The following TOP1MT variants were observed in gnomAD, a reference collection of about 807,000 sequenced individuals.
TOP1MT encodes DNA topoisomerase I mitochondrial, also known as DNA topoisomerase I, mitochondrial.
TOP1MT carries 80 observed loss-of-function variants against 73.9 expected under a neutral mutation model. The ratio of observed to expected loss-of-function variants is 1.08; its 90% CI spans 0.90 to 1.30. TOP1MT has a LOEUF of 1.30. Ranked by LOEUF, TOP1MT falls within the 50% of genes most tolerant of loss-of-function variation. The probability of loss-of-function intolerance (pLI) is 0.00; values close to 1 mark genes in which losing one functional copy is unlikely to be tolerated. For missense variants in TOP1MT, 815 were observed against 808.0 expected (o/e 1.01, Z -0.10); for synonymous variants, 338 against 326.4 (o/e 1.04, Z -0.38).
At chr8:143,330,333 T>TGTGGGGCAGGC (rs1816819533) in intron 2 of TOP1MT, among the ~76,000 whole-genome samples, 1 of 152,168 alleles carries the variant, frequency 6.6e-6, no homozygotes, top group South Asian at 2.1e-4. Flanking sequence ...GCAGGGCTGC[T>TGTGGGGCAGGC]GTGGGGCAGG....
upstream of TOP1MT, among the ~76,000 whole-genome samples, chr8:143,345,356 GA>G (rs33967170): frequency 0.87 from 131,940 of 152,272 alleles, 57,221 homozygotes; most frequent in South Asian, 0.92. Flanking sequence ...CCTGGTGGCT[GA>G]AAAGGTCTGA....
chr8:143,345,325 G>A (rs1476123654), upstream of TOP1MT, among the ~76,000 whole-genome samples: 1 of 147,486 alleles, frequency 6.8e-6, no homozygotes, highest in Non-Finnish European at 1.5e-5. Flanking sequence ...AGCCCTGCAG[G>A]AGGCAGGTCC....
At chr8:143,338,266 T>TA (rs1221540565), upstream of TOP1MT, among the ~76,000 whole-genome samples, 16 of 151,702 alleles carry the variant, frequency 1.1e-4, no homozygotes, top group East Asian at 1.4e-3. Flanking sequence ...CTCCATCTCT[T>TA]AAAAAAAAAT....
At chr8:143,325,268 C>G in intron 5 of TOP1MT, 78 bp downstream of exon 5, 1 of 1,314,716 alleles carries the variant, frequency 7.6e-7, no homozygotes, top group African/African-American at 1.5e-5. Context: ...GCCTCCCTCT[C>G]CCAGGAGGTG....
upstream of TOP1MT, chr8:143,334,938 C>T: frequency 1.6e-6 from 2 of 1,237,634 alleles, no homozygotes; most frequent in Non-Finnish European, 2.0e-6. Flanking sequence ...AGCGGCCAGC[C>T]CCGCCCCCGA....
chr8:143,348,029 C>T (rs531001755), upstream of TOP1MT, among the ~76,000 whole-genome samples: 1 of 152,282 alleles, frequency 6.6e-6, no homozygotes, highest in Non-Finnish European at 1.5e-5. The surrounding 1 kb of genome is among the most constrained non-coding windows in gnomAD (Gnocchi z 4.6). Context: ...CCACAGCAGC[C>T]TTGCAAGCCA....
intron 10 of TOP1MT, among the ~76,000 whole-genome samples, chr8:143,316,906 T>C (rs976959138): frequency 6.6e-6 from 1 of 152,160 alleles, no homozygotes; most frequent in Non-Finnish European, 1.5e-5. Context: ...CCTCCCTCAG[T>C]GGAGGGGGCG....
intron 1 of TOP1MT, among the ~76,000 whole-genome samples, chr8:143,353,770 C>T (rs1817358502): frequency 6.6e-6 from 1 of 151,806 alleles, no homozygotes; most frequent in East Asian, 1.9e-4. Context: ...TTGAGACCAG[C>T]CTGGCCAACA....
chr8:143,328,106 C>T (rs766157730), intron 3 of TOP1MT: 28 of 394,762 alleles, frequency 7.1e-5, no homozygotes, highest in Middle Eastern at 3.6e-4. Context: ...GTTAAGAGAA[C>T]GCAAATAGAA....
upstream of TOP1MT, among the ~76,000 whole-genome samples, chr8:143,339,626 C>T (rs1335308643): frequency 6.6e-6 from 1 of 152,232 alleles, no homozygotes; most frequent in African/African-American, 2.4e-5. Context: ...CTGGGGGGCA[C>T]CCAGGCTCCC....
chr8:143,326,767 C>T lies in TOP1MT; in HGVS notation c.361-423G>A, dbSNP rs943669090. Among the ~76,000 whole-genome samples, 5 of 152,312 alleles carry T rather than the reference C, an allele frequency of 3.3e-5. No individual in the cohort carries two copies. The East Asian group carries it at 9.6e-4, about 29-fold the overall frequency. On this transcript the variant is annotated intron_variant, in intron 3 of 13. Transcript: ENST00000329245. Reference sequence around the variant, plus strand: ...ACAGAGCAGGATACATGGTCGGGAGCTCATCTGGTGAACGTGACGGGATTC... The same window carrying T: ...ACAGAGCAGGATACATGGTCGGGAGTTCATCTGGTGAACGTGACGGGATTC...
At position 143,331,381 on chromosome 8, in the gene TOP1MT, C is replaced by G. The variant is rs1479300614; in HGVS notation, c.123-42G>C. The G allele has an allele frequency of 2.0e-6, 3 of 1,531,048 alleles. No individual in the cohort carries two copies. The African/African-American group carries it at 4.1e-5, about 21-fold the overall frequency. The allele number at this position is 1,531,048 out of a possible 1,614,324, so 94.8% of individuals were successfully genotyped here. A position where few individuals can be genotyped will look rare whatever the true frequency, so the allele number is the denominator to read the frequency against. On this transcript the variant is annotated intron_variant, in intron 1 of 13. Coordinates refer to ENST00000329245, the MANE Select transcript of TOP1MT (RefSeq NM_052963.3). The stretch of plus-strand genomic sequence containing the variant: ...GACGTGTCACTCTCCTGGGCCAGGC[C>G]CTGCATGAGCCTCTTCCCCGCTCCC...
upstream of TOP1MT, among the ~76,000 whole-genome samples, chr8:143,336,657 G>GCATA (rs1271316790): frequency 6.6e-6 from 1 of 152,112 alleles, no homozygotes; most frequent in Non-Finnish European, 1.5e-5. Flanking sequence ...TTTGCAGGTG[G>GCATA]CATAATCTTG....
At chr8:143,334,932 G>A (rs1450512757), upstream of TOP1MT, 54 of 1,258,382 alleles carry the variant, frequency 4.3e-5, no homozygotes, top group Middle Eastern at 3.1e-4. Context: ...GCCCCCAGCG[G>A]CCAGCCCCGC....
chr8:143,354,452 C>A (rs1817373189), intron 1 of TOP1MT, among the ~76,000 whole-genome samples: 1 of 152,104 alleles, frequency 6.6e-6, no homozygotes, highest in Non-Finnish European at 1.5e-5. Context: ...GTGGCTCACG[C>A]CTGTAATCCC....
Position 143,322,235 on chromosome 8 carries a change from A to ACG in TOP1MT, c.961-850_961-849insCG, listed in dbSNP as rs1491501043. 2.3e-4 allele frequency among the ~76,000 whole-genome samples: 11 copies of ACG among 47,454 alleles called. 1 individual carries two copies. Among genetic ancestry groups the ACG allele is most frequent in the African/African-American group, 7.4e-4 (10 of 13,588 alleles). The allele number at this position is 47,454 out of a possible 152,430, so 31.1% of individuals were successfully genotyped here. A position where few individuals can be genotyped will look rare whatever the true frequency, so the allele number is the denominator to read the frequency against. On this transcript the variant is annotated intron_variant, in intron 7 of 13. Transcript: ENST00000329245. ...CGCCACACACAGGCACGCCACACAC[A>ACG]TGCATGCCACACACGCACGCCACAC...
intron 2 of TOP1MT, among the ~76,000 whole-genome samples, chr8:143,342,572 C>A (rs1286780185): frequency 5.2e-5 from 5 of 97,006 alleles, no homozygotes; most frequent in Non-Finnish European, 9.8e-5. Context: ...CAGAGTCTCG[C>A]TCTGTTATTA....
upstream of TOP1MT, among the ~76,000 whole-genome samples, chr8:143,349,221 CT>C (rs980361507): frequency 6.6e-6 from 1 of 152,138 alleles, no homozygotes; most frequent in Non-Finnish European, 1.5e-5. Context: ...ACAAATTGAG[CT>C]TTTCCTACCA....
chr8:143,356,689 G>A (rs1240527662), upstream of TOP1MT, among the ~76,000 whole-genome samples: 1 of 150,416 alleles, frequency 6.6e-6, no homozygotes, highest in African/African-American at 2.5e-5. Context: ...AGGAGGCTGA[G>A]GCAGGAGAAT....
Sources: gnomAD v4.1 joint callset for allele counts (sites outside exome capture counted in the v4.1 genomes callset) on GRCh38, gnomAD v4.1.1 for gene constraint, Gnocchi (gnomAD v3.1) non-coding constraint, MANE v1.5 for transcripts, NCBI Gene and HGNC (gene_info 2026-07-23, HGNC 2026-07-21) for gene names.